IQCK: variants seen among roughly 807,000 people sequenced by gnomAD.
IQCK encodes the protein IQ domain-containing protein K.
Under a neutral mutation model 28.1 loss-of-function variants are expected in IQCK, and 29 were observed. The ratio of observed to expected loss-of-function variants is 1.03; its 90% CI spans 0.77 to 1.41. The LOEUF is 1.41. Among genes scored for constraint, IQCK ranks in the 40% most tolerant of loss-of-function variants. The probability of loss-of-function intolerance (pLI) is 0.00; values close to 1 mark genes in which losing one functional copy is unlikely to be tolerated. For missense variants in IQCK, 359 were observed against 314.7 expected, an observed-to-expected ratio of 1.14 and a Z score of -1.07; for synonymous variants, 113 against 115.1, an observed-to-expected ratio of 0.98 and a Z score of 0.12.
At chr16:19,769,785 A>G (rs2055293071) in intron 6 of IQCK, among the ~76,000 whole-genome samples, 1 of 152,072 alleles carries the variant, frequency 6.6e-6, no homozygotes, top group Non-Finnish European at 1.5e-5. Context: ...GATTGGGGAG[A>G]GCCTGGAGTT....
intron 5 of IQCK, 50 bp downstream of exon 5, chr16:19,763,950 T>C (rs748385577): frequency 6.3e-7 from 1 of 1,597,106 alleles, no homozygotes; most frequent in South Asian, 1.1e-5. Context: ...TTCAGTCGTG[T>C]TAATTTGCAA....
chr16:19,852,432 A>G (rs954872387), intron 9 of IQCK, among the ~76,000 whole-genome samples: 11 of 151,544 alleles, frequency 7.3e-5, no homozygotes. Context: ...CAAACAAACA[A>G]ACAGAACACT....
At chr16:19,821,156 A>G (rs577291082) in intron 7 of IQCK, among the ~76,000 whole-genome samples, 1 of 152,122 alleles carries the variant, frequency 6.6e-6, no homozygotes, top group Non-Finnish European at 1.5e-5. Context: ...CAGCCTGGGC[A>G]AAAAAGCGAG....
chr16:19,752,085 A>G (rs2054994559), intron 4 of IQCK, among the ~76,000 whole-genome samples: 1 of 150,778 alleles, frequency 6.6e-6, no homozygotes, highest in South Asian at 2.1e-4. Flanking sequence ...TTCCACTGGA[A>G]CAAATTAAGT....
chr16:19,845,013 A>G (rs1232645620), intron 9 of IQCK, among the ~76,000 whole-genome samples: 1 of 152,054 alleles, frequency 6.6e-6, no homozygotes, highest in Non-Finnish European at 1.5e-5. Context: ...CACATTGCCC[A>G]GGCTGGTCTC....
intron 7 of IQCK, among the ~76,000 whole-genome samples, chr16:19,804,045 A>G (rs1391384226): frequency 6.6e-6 from 1 of 152,158 alleles, no homozygotes; most frequent in Non-Finnish European, 1.5e-5. Flanking sequence ...TGACTTTCCT[A>G]TTTGAAAAGT....
At position 19,826,961 on chromosome 16, in the gene IQCK, G is replaced by A. The variant is rs1029816245; in HGVS notation, c.691-65G>A. 4.0e-6 allele frequency: 4 copies of A among 998,090 alleles called. No homozygotes were observed. The Admixed American group carries it at 7.0e-5, about 17-fold the overall frequency. The allele number at this position is 998,090 out of a possible 1,614,324, so 61.8% of individuals were successfully genotyped here. A position where few individuals can be genotyped will look rare whatever the true frequency, so the allele number is the denominator to read the frequency against. ...TGGTTTGTAAAGGATTTTCCATGCA[G>A]GGTTAATAAGCTAGTGTACAGAAGT... On this transcript the variant is annotated intron_variant, in intron 7 of 7. Transcript: ENST00000564186.
intron 9 of IQCK, among the ~76,000 whole-genome samples, chr16:19,839,859 GTGGTGCA>G (rs1202198267): frequency 6.6e-6 from 1 of 152,002 alleles, no homozygotes; most frequent in Non-Finnish European, 1.5e-5. Flanking sequence ...ACTGGGTAGC[GTGGTGCA>G]TGCCTGTAGA....
At chr16:19,753,007 C>T (rs1278901149) in intron 4 of IQCK, among the ~76,000 whole-genome samples, 1 of 152,092 alleles carries the variant, frequency 6.6e-6, no homozygotes, top group Non-Finnish European at 1.5e-5. Flanking sequence ...CAAATGAGCC[C>T]TCATTTTGTG....
intron 4 of IQCK, among the ~76,000 whole-genome samples, chr16:19,751,266 G>A (rs1280720120): frequency 1.3e-5 from 2 of 152,036 alleles, no homozygotes; most frequent in African/African-American, 4.8e-5. Context: ...GCCTGCGTAG[G>A]TGGGTCACTT....
At chr16:19,773,373 C>T (rs143980184) in intron 6 of IQCK, among the ~76,000 whole-genome samples, 36 of 152,268 alleles carry the variant, frequency 2.4e-4, no homozygotes, top group African/African-American at 7.7e-4. Flanking sequence ...TCTCAGATAA[C>T]GCCAACCCTC....
chr16:19,741,492 A>T (rs2054833802), intron 4 of IQCK, among the ~76,000 whole-genome samples: 1 of 152,178 alleles, frequency 6.6e-6, no homozygotes, highest in Admixed American at 6.5e-5. Context: ...AGAACCAGAT[A>T]AATTTCTAAT....
intron 1 of IQCK, among the ~76,000 whole-genome samples, chr16:19,723,062 T>C (rs1018594446): frequency 6.6e-6 from 1 of 152,094 alleles, no homozygotes; most frequent in African/African-American, 2.4e-5. Flanking sequence ...CCAGTCCTTA[T>C]AGATTCTACC....
At chr16:19,720,676 T>C (rs1020678342) in intron 1 of IQCK, among the ~76,000 whole-genome samples, 1 of 152,320 alleles carries the variant, frequency 6.6e-6, no homozygotes, top group Non-Finnish European at 1.5e-5. Context: ...AGGGTTTTGG[T>C]TCTCTCTGAA....
intron 7 of IQCK, among the ~76,000 whole-genome samples, chr16:19,802,764 C>T (rs1347577529): frequency 3.9e-5 from 6 of 152,182 alleles, no homozygotes; most frequent in African/African-American, 1.2e-4. Context: ...ATGTAGCCTT[C>T]GAGTCTGGCT....
Position 19,758,922 on chromosome 16 carries a change from G to A in IQCK, c.475-4926G>A, listed in dbSNP as rs149935251. ...GTGAAACATCAATTTCACAACAATC[G>A]TTTCAACCTTATCTTGAATTATAAA... On this transcript the variant is annotated intron_variant, in intron 4 of 7. Coordinates refer to ENST00000564186, the Ensembl canonical transcript of IQCK. Among the ~76,000 whole-genome samples, 717 of 152,090 alleles carry A rather than the reference G, an allele frequency of 4.7e-3. 5 individuals carry two copies. Among genetic ancestry groups the A allele is most frequent in the African/African-American group, 0.017 (698 of 41,482 alleles).
At chr16:19,809,311 T>C (rs1264239590) in intron 7 of IQCK, among the ~76,000 whole-genome samples, 3 of 152,202 alleles carry the variant, frequency 2.0e-5, no homozygotes, top group African/African-American at 7.2e-5. Context: ...TCATGACGTG[T>C]GTTAGCTGGG....
chr16:19,843,653 C>A (rs1341511970), intron 9 of IQCK, among the ~76,000 whole-genome samples: 1 of 152,174 alleles, frequency 6.6e-6, no homozygotes, highest in East Asian at 1.9e-4. Flanking sequence ...GTTCTGGAGA[C>A]TGTAAGTCTG....
intron 9 of IQCK, among the ~76,000 whole-genome samples, chr16:19,834,391 G>A (rs1024122968): frequency 2.0e-5 from 3 of 152,154 alleles, no homozygotes; most frequent in Non-Finnish European, 2.9e-5. Flanking sequence ...ATTTGAACCC[G>A]GATCTACCTG....
Sources: allele counts gnomAD v4.1 joint callset (sites outside exome capture counted in the v4.1 genomes callset), GRCh38; gene constraint gnomAD v4.1.1; transcripts MANE v1.5; gene names NCBI Gene and HGNC (gene_info 2026-07-23, HGNC 2026-07-21).